ZNF629: variants seen among roughly 807,000 people sequenced by gnomAD.
ZNF629 encodes the protein DNA-binding protein.
ZNF629 carries 9 observed loss-of-function variants against 59.7 expected under a neutral mutation model. The ratio of observed to expected loss-of-function variants is 0.15; its 90% CI spans 0.09 to 0.26. The LOEUF (loss-of-function observed/expected upper bound fraction) is 0.26, where lower values mean the gene tolerates loss of function less well. Among genes scored for constraint, ZNF629 ranks in the 10% least tolerant of loss-of-function variants. The pLI, the probability that ZNF629 is intolerant of heterozygous loss-of-function variation, is 1.00. For missense variants in ZNF629, 853 were observed against 1,165.4 expected, an observed-to-expected ratio of 0.73 and a Z score of 3.90; for synonymous variants, 509 against 498.9, an observed-to-expected ratio of 1.02 and a Z score of -0.27.
In ZNF629 at chr16:30,782,182, ATTT is replaced by A. The variant is rs1435871404; in HGVS notation, c.2143_2145del (p.Lys715del). On this transcript the variant is annotated inframe_deletion, in exon 3 of 3. Transcript: ENST00000262525. ...CCAAAGCTTTGTTTGCATTCAGGGC[ATTT>A]AAAGGGCTTCCCACTTAAGAAGGGG... is the stretch of plus-strand genomic sequence containing the variant. 4 of 1,613,472 alleles carry A rather than the reference ATTT, an allele frequency of 2.5e-6. No individual in the cohort carries two copies. Among genetic ancestry groups the A allele is most frequent in the Non-Finnish European group, 3.4e-6 (4 of 1,179,880 alleles).
chr16:30,782,559 A>C lies in ZNF629; in HGVS notation c.1769T>G (p.Ile590Ser). 1 of 1,560,164 alleles carries C rather than the reference A, an allele frequency of 6.4e-7. No individual in the cohort carries two copies. Among genetic ancestry groups the C allele is most frequent in the Non-Finnish European group, 8.7e-7 (1 of 1,151,430 alleles). ...TTTGTAGGGGTTTTCTCCGATGTGG[A>C]TCCTCTGATGTTGCATGAAGATGCC... Reference protein sequence around the residue: ...DEGIFMQHQRIHIGENPYKNA... With the variant: ...DEGIFMQHQRSHIGENPYKNA... Residue 590 changes from isoleucine (I) to serine (S), a missense_variant, in exon 3 of 3, where the codon ATC becomes AGC. Physicochemically the swap from Ile to Ser is moderately radical, Grantham distance 142. Transcript: ENST00000262525.
rs2054268957 is a variant in ZNF629, at chr16:30,780,277, G to A, written c.*1441C>T. ...TGATACGGCCTCTGCGGACTCTTCA[G>A]GGACCTGTGGCTCAGTCTGTGGGGT... On this transcript the variant is annotated 3_prime_UTR_variant, in exon 3 of 3. Coordinates refer to ENST00000262525, the MANE Select transcript of ZNF629 (RefSeq NM_001080417.3). 1 of 152,510 alleles carries A rather than the reference G, an allele frequency of 6.6e-6. No individual in the cohort carries two copies. The highest frequency in any genetic ancestry group is 2.1e-4 in the South Asian group (1 of 4,836). 9.4% of individuals were successfully genotyped at this position (152,510 alleles called of 1,614,324 possible). A position where few individuals can be genotyped will look rare whatever the true frequency, so the allele number is the denominator to read the frequency against.
At position 30,784,351 on chromosome 16, in the gene ZNF629, C is replaced by T. The variant is rs935288181; in HGVS notation, c.73+59G>A. ...CCGGGTGTCCCCCAGAGTCCAGGCC[C>T]CTCCCTGAGCCGGGACCACCGTCTT... On this transcript the variant is annotated intron_variant, in intron 2 of 2. Transcript: ENST00000262525. The T allele has an allele frequency of 5.2e-6, 8 of 1,544,396 alleles. No individual in the cohort carries two copies. In the African/African-American group the frequency reaches 8.2e-5, roughly 16 times the overall value.
At position 30,783,970 on chromosome 16, in the gene ZNF629, T is replaced by C. The variant is rs1213442380; in HGVS notation, c.358A>G (p.Thr120Ala). ...ACGACTGGGGGGCTGTTCCATGTGG[T>C]GAGAGCGCCCCACTGCCAGCTGGCC... ...CEASWQWGAL[T>A]TWNSPPVVPA... The change falls in exon 3 of 3, where the codon ACC (threonine) becomes GCC (alanine). Residue 120 changes from threonine (T) to alanine (A), a missense_variant. Physicochemically the swap from Thr to Ala is moderately conservative, Grantham distance 58. Transcript: ENST00000262525. 1.3e-6 allele frequency: 2 copies of C among 1,582,246 alleles called. No homozygotes were observed. The highest frequency in any genetic ancestry group is 3.6e-5 in the Admixed American group (2 of 56,022).
In ZNF629 at chr16:30,781,413, C is replaced by G. The variant is rs1041980803; in HGVS notation, c.*305G>C. 1 of 237,556 alleles carries G rather than the reference C, an allele frequency of 4.2e-6. No homozygotes were observed. The highest frequency in any genetic ancestry group is 8.0e-6 in the Non-Finnish European group (1 of 124,610). The allele number at this position is 237,556 out of a possible 1,614,324, so 14.7% of individuals were successfully genotyped here. ...GGACCTCTTCCTACAATTAATAGGG[C>G]TTTTATCCACTATGGTTTATAGGGT... On this transcript the variant is annotated 3_prime_UTR_variant, in exon 3 of 3. Transcript: ENST00000262525.
chr16:30,783,122 G>A lies in ZNF629; in HGVS notation c.1206C>T (p.Tyr402=), dbSNP rs765195865. 5.0e-6 allele frequency: 8 copies of A among 1,614,058 alleles called. No homozygotes were observed. Among genetic ancestry groups the A allele is most frequent in the Non-Finnish European group, 6.8e-6 (8 of 1,179,976 alleles). The change falls in exon 3 of 3, where the codon TAC becomes TAT. Residue 402 remains tyrosine (Y), a synonymous_variant. Coordinates refer to ENST00000262525, the MANE Select transcript of ZNF629 (RefSeq NM_001080417.3). ...AGCTCTTGCCGCACTCTGGGCACTT[G>A]TAGGGCCGCTCGCCCGTGTGCGTGC... ...HQRTHTGERP[Y]KCPECGKSFS...
Position 30,784,424 on chromosome 16 carries a change from T to C in ZNF629, c.59A>G (p.Asn20Ser), listed in dbSNP as rs1350483464. 8.3e-6 allele frequency: 13 copies of C among 1,568,258 alleles called. No homozygotes were observed. The highest frequency in any genetic ancestry group is 1.0e-5 in the Non-Finnish European group (12 of 1,158,946). The change falls in exon 2 of 3, where the codon AAC becomes AGC. Residue 20 changes from asparagine to serine, a missense_variant. Transcript: ENST00000262525. ...PDLQGPEQSP[N>S]DAHRGAESEN... ...GTGCCCCTCACCTCTGTGAGCATCG[T>C]TGGGGCTCTGTTCCGGACCCTGCAG...
chr16:30,782,023 G>C lies in ZNF629; in HGVS notation c.2305C>G (p.Arg769Gly). ...AAGGAGGCCCTGCAATCTGAGCAGCGGTAGGGTCTGGCCCCCAGGGGGCTC... is the reference window on the plus strand; with the variant it reads ...AAGGAGGCCCTGCAATCTGAGCAGCCGTAGGGTCTGGCCCCCAGGGGGCTC... ...LRSPLGARPYRCSDCRASFLD... is the reference protein window; with the variant it reads ...LRSPLGARPYGCSDCRASFLD... The change falls in exon 3 of 3, where the codon CGC becomes GGC. Residue 769 changes from arginine to glycine, a missense_variant. Around this residue, in one of 3 missense-constraint regions of ZNF629, gnomAD observed 420 missense variants for 435.6 expected, o/e 0.96. Transcript: ENST00000262525. The C allele has an allele frequency of 1.9e-6, 3 of 1,575,914 alleles. No individual in the cohort carries two copies. Among genetic ancestry groups the C allele is most frequent in the African/African-American group, 2.7e-5 (2 of 73,550 alleles).
chr16:30,779,182 C>T lies in ZNF629; in HGVS notation c.*2536G>A, dbSNP rs1274599576. On this transcript the variant is annotated 3_prime_UTR_variant, in exon 3 of 3. Coordinates refer to ENST00000262525, the MANE Select transcript of ZNF629 (RefSeq NM_001080417.3). ...CCTTAGCCCTCACCCATCCCTACAA[C>T]ATGTGAGCATCCTACTAAATATGCT... The T allele has an allele frequency of 6.6e-6, 1 of 152,268 alleles. No individual in the cohort carries two copies. Among genetic ancestry groups the T allele is most frequent in the Admixed American group, 6.5e-5 (1 of 15,284 alleles). 9.4% of individuals were successfully genotyped at this position (152,268 alleles called of 1,614,324 possible).
At position 30,782,097 on chromosome 16, in the gene ZNF629, T is replaced by C. The variant is rs770336421; in HGVS notation, c.2231A>G (p.Lys744Arg). The C allele has an allele frequency of 7.5e-6, 12 of 1,600,966 alleles. No homozygotes were observed. The Admixed American group carries it at 1.7e-4, about 23-fold the overall frequency. ...AGAGCTCTTCCCCAGCTCTGGACTC[T>C]TCTGGGAGCTCTTCCCGCCTGCATG... ...KVHAGGKSSQ[K>R]SPELGKSSSV... is the part of the protein sequence containing the mutation. The change falls in exon 3 of 3, where the codon AAG (lysine) becomes AGG (arginine). Residue 744 changes from lysine to arginine, a missense_variant. Lys to Arg is a conservative substitution (Grantham distance 26). Transcript: ENST00000262525.
In ZNF629 at chr16:30,782,167, G is replaced by C; in HGVS notation, c.2161C>G (p.Gln721Glu). The change falls in exon 3 of 3, where the codon CAA becomes GAA. Residue 721 changes from glutamine to glutamate, a missense_variant. Coordinates refer to ENST00000262525, the MANE Select transcript of ZNF629 (RefSeq NM_001080417.3). ...AGCTCAGAGCTGAGGCCAAAGCTTT[G>C]TTTGCATTCAGGGCATTTAAAGGGC... ...GKPFKCPECKQSFGLSSELLL... is the reference protein window; with the variant it reads ...GKPFKCPECKESFGLSSELLL... 1 of 1,613,536 alleles carries C rather than the reference G, an allele frequency of 6.2e-7. No homozygotes were observed. The highest frequency in any genetic ancestry group is 8.5e-7 in the Non-Finnish European group (1 of 1,179,874).
In ZNF629 at chr16:30,781,754, C is replaced by T. The variant is rs772259141; in HGVS notation, c.2574G>A (p.Leu858=). 3 of 1,612,818 alleles carry T rather than the reference C, an allele frequency of 1.9e-6. No individual in the cohort carries two copies. The highest frequency in any genetic ancestry group is 2.5e-6 in the Non-Finnish European group (3 of 1,179,380). ...GAGFTEVAAL[L]LHRSCHPGVS... is the part of the protein sequence containing the mutation. ...CACCTGGGTGGCAGCTCCTATGGAG[C>T]AGGAGGGCTGCGACTTCTGTGAAGC... The change falls in exon 3 of 3, where the codon CTG becomes CTA. Residue 858 remains leucine, a synonymous_variant. Transcript: ENST00000262525.
rs532869783 is a variant in ZNF629 at position 30,781,752 on chromosome 16, A to C, written c.2576T>G (p.Leu859Arg). The C allele has an allele frequency of 9.9e-6, 16 of 1,612,670 alleles. No homozygotes were observed. In the East Asian group the frequency reaches 3.6e-4, roughly 36 times the overall value. The change falls in exon 3 of 3, where the codon CTC becomes CGC. Residue 859 changes from leucine (L) to arginine (R), a missense_variant. This residue lies in a region of ZNF629 where 420 missense variants were observed against 435.6 expected (regional missense o/e 0.96). Coordinates refer to ENST00000262525, the MANE Select transcript of ZNF629 (RefSeq NM_001080417.3). ...GACACCTGGGTGGCAGCTCCTATGGAGCAGGAGGGCTGCGACTTCTGTGAA... is the reference window on the plus strand; with the variant it reads ...GACACCTGGGTGGCAGCTCCTATGGCGCAGGAGGGCTGCGACTTCTGTGAA... ...AGFTEVAALLLHRSCHPGVSL is the reference protein window; with the variant it reads ...AGFTEVAALLRHRSCHPGVSL
rs1213661623 is a variant in ZNF629 at position 30,784,077 on chromosome 16, T to C, written c.251A>G (p.Asn84Ser). The C allele has an allele frequency of 5.0e-6, 8 of 1,600,290 alleles. No individual in the cohort carries two copies. In the African/African-American group the frequency reaches 9.4e-5, roughly 19 times the overall value. Residue 84 changes from asparagine to serine, a missense_variant, in exon 3 of 3, where the codon AAT (asparagine) becomes AGT (serine). Physicochemically the swap from Asn to Ser is conservative, Grantham distance 46. Transcript: ENST00000262525. ...QNPPTPLGHS[N>S]PLDHQIPLDP... The stretch of plus-strand genomic sequence containing the variant: ...CAGGGGGATCTGGTGGTCCAAGGGA[T>C]TGGAGTGACCCAGTGGGGTTGGGGG...
At chr16:30,784,580 T>G in intron 1 of ZNF629, 65 bp from the exon 2 acceptor site, 4 of 1,261,158 alleles carry the variant, frequency 3.2e-6, no homozygotes, top group Non-Finnish European at 3.2e-6. Context: ...TTATTCCCCC[T>G]GAACCTCACT....
At chr16:30,785,976 G>A (rs2054328569) in intron 1 of ZNF629, among the ~76,000 whole-genome samples, 1 of 152,112 alleles carries the variant, frequency 6.6e-6, no homozygotes, top group Non-Finnish European at 1.5e-5. Flanking sequence ...GCTTGAAGGA[G>A]GTCCCACACC....
chr16:30,780,324 G>A lies in ZNF629; in HGVS notation c.*1394C>T, dbSNP rs2054269380. 1 of 152,550 alleles carries A rather than the reference G, an allele frequency of 6.6e-6. No individual in the cohort carries two copies. Among genetic ancestry groups the A allele is most frequent in the South Asian group, 2.1e-4 (1 of 4,836 alleles). The allele number at this position is 152,550 out of a possible 1,614,324, so 9.4% of individuals were successfully genotyped here. On this transcript the variant is annotated 3_prime_UTR_variant, in exon 3 of 3. Coordinates refer to ENST00000262525, the MANE Select transcript of ZNF629 (RefSeq NM_001080417.3). ...GGGTGTCTGGATCCCCACCAGGGAGGAGGGCTGCCTTATCCTGCGGGGCAG... is the reference window on the plus strand; with the variant it reads ...GGGTGTCTGGATCCCCACCAGGGAGAAGGGCTGCCTTATCCTGCGGGGCAG...
chr16:30,781,856 G>A lies in ZNF629; in HGVS notation c.2472C>T (p.Ser824=). The A allele has an allele frequency of 4.4e-6, 7 of 1,588,176 alleles. No individual in the cohort carries two copies. The highest frequency in any genetic ancestry group is 2.3e-5 in the East Asian group (1 of 44,248). Residue 824 remains serine, a synonymous_variant, in exon 3 of 3, where the codon AGC becomes AGT. Transcript: ENST00000262525. ...GGTTTTGCCCTTCCCCATGGCTGCT[G>A]CTCTCTGTGGGGGTAGGGGTCTCGC... ...GEGETPTPTE[S]SSHGEGQNPK...
rs1596779128 is a variant in ZNF629 at position 30,783,584 on chromosome 16, G to A, written c.744C>T (p.Asn248=). ...TGTGGGATCGCTGGTGCTTGATGAGGTTGGTGCTCTGGGTGAAGGCTTTCT... is the reference window on the plus strand; with the variant it reads ...TGTGGGATCGCTGGTGCTTGATGAGATTGGTGCTCTGGGTGAAGGCTTTCT... ...ECEKAFTQST[N]LIKHQRSHTG... Residue 248 remains asparagine (N), a synonymous_variant, in exon 3 of 3, where the codon AAC becomes AAT. Coordinates refer to ENST00000262525, the MANE Select transcript of ZNF629 (RefSeq NM_001080417.3). 6.2e-7 allele frequency: 1 copy of A among 1,613,806 alleles called. No individual in the cohort carries two copies. Among genetic ancestry groups the A allele is most frequent in the Middle Eastern group, 1.6e-4 (1 of 6,062 alleles).
Sources: allele counts gnomAD v4.1 joint callset (sites outside exome capture counted in the v4.1 genomes callset), GRCh38; gene constraint gnomAD v4.1.1; regional missense constraint gnomAD v4.1.1; transcripts MANE v1.5; gene names NCBI Gene and HGNC (gene_info 2026-07-23, HGNC 2026-07-21).